Variants in PARVB observed in about 807,000 individuals in gnomAD.
PARVB encodes beta-parvin.
A neutral mutation model predicts 47.0 loss-of-function variants in PARVB; 46 were observed. That is an observed-to-expected ratio of 0.98 (90% CI 0.77 to 1.25). The LOEUF is 1.25. Ranked by LOEUF, PARVB falls within the 50% of genes most tolerant of loss-of-function variation. The pLI is 0.00. For missense variants in PARVB, 473 were observed against 471.6 expected, an observed-to-expected ratio of 1.00 and a Z score of -0.03; for synonymous variants, 196 against 196.3, an observed-to-expected ratio of 1.00 and a Z score of 0.01.
chr22:44,044,610 A>G (rs1272707019), intron 1 of PARVB, among the ~76,000 whole-genome samples: 1 of 152,104 alleles, frequency 6.6e-6, no homozygotes, highest in East Asian at 1.9e-4. Flanking sequence ...CTCAGCCTCT[A>G]GAGTAGCTTG....
At chr22:44,021,706 A>G (rs1310685596), upstream of PARVB, among the ~76,000 whole-genome samples, 1 of 150,166 alleles carries the variant, frequency 6.7e-6, no homozygotes, top group East Asian at 2.0e-4. Context: ...GTGAAGATGA[A>G]TCACCAGGAT....
chr22:44,009,428 T>C (rs1305868311), intron 2 of PARVB: 1 of 152,194 alleles, frequency 6.6e-6, no homozygotes, highest in Non-Finnish European at 1.5e-5. Flanking sequence ...TTGAAATCAG[T>C]TCTATTTGCT....
chr22:44,002,513 C>A (rs1569042977), intron 2 of PARVB, among the ~76,000 whole-genome samples: 1 of 152,058 alleles, frequency 6.6e-6, no homozygotes, highest in Non-Finnish European at 1.5e-5. Context: ...CAGGAGGGGG[C>A]AGTGGGTGTT....
intron 1 of PARVB, among the ~76,000 whole-genome samples, chr22:44,066,590 G>C (rs957452215): frequency 6.6e-6 from 1 of 152,124 alleles, no homozygotes; most frequent in African/African-American, 2.4e-5. Flanking sequence ...CACACAGTAG[G>C]TGCACGGCAC....
chr22:44,014,147 C>G (rs2050553409), intron 2 of PARVB, among the ~76,000 whole-genome samples: 3 of 152,242 alleles, frequency 2.0e-5, no homozygotes, highest in African/African-American at 7.2e-5. Context: ...GGGTACTATA[C>G]ACAGAGGAAC....
intron 3 of PARVB, chr22:44,107,130 A>G (rs888872545): frequency 6.6e-6 from 1 of 152,250 alleles, no homozygotes; most frequent in African/African-American, 2.4e-5. Context: ...CAGATGGGCA[A>G]TGCCAGTTTG....
chr22:44,036,569 A>G (rs551980401), intron 1 of PARVB, among the ~76,000 whole-genome samples: 1 of 152,204 alleles, frequency 6.6e-6, no homozygotes, highest in Non-Finnish European at 1.5e-5. Flanking sequence ...TTTATTGGAA[A>G]AAATCTGCAT....
At chr22:44,149,040 C>G (rs191133492) in intron 9 of PARVB, 25 of 152,310 alleles carry the variant, frequency 1.6e-4, no homozygotes, top group Admixed American at 3.9e-4. Flanking sequence ...ATCCAGCTTC[C>G]CCACTTATCA....
intron 1 of PARVB, among the ~76,000 whole-genome samples, chr22:44,028,180 T>C (rs1287413856): frequency 6.6e-6 from 1 of 152,088 alleles, no homozygotes; most frequent in Non-Finnish European, 1.5e-5. Flanking sequence ...TGGCTCTGGA[T>C]GGATGTAGAG....
chr22:44,107,859 A>C (rs974152205), intron 3 of PARVB: 1 of 151,406 alleles, frequency 6.6e-6, no homozygotes, highest in Non-Finnish European at 1.5e-5. Context: ...TTTCTTATTA[A>C]TTACACTGTC....
chr22:44,077,835 T>C (rs1460484832), intron 1 of PARVB, among the ~76,000 whole-genome samples: 1 of 152,108 alleles, frequency 6.6e-6, no homozygotes, highest in African/African-American at 2.4e-5. Context: ...GTAGCTGGTA[T>C]TACAGGCACC....
At chr22:44,023,910 C>T (rs2050685434), upstream of PARVB, among the ~76,000 whole-genome samples, 1 of 152,248 alleles carries the variant, frequency 6.6e-6, no homozygotes, top group South Asian at 2.1e-4. Context: ...CCCCCTGCCC[C>T]GGGCCTGGCT....
intron 2 of PARVB, among the ~76,000 whole-genome samples, chr22:44,007,371 C>A (rs963571869): frequency 2.0e-5 from 3 of 152,208 alleles, no homozygotes; most frequent in African/African-American, 7.2e-5. Flanking sequence ...TCTGCACTCC[C>A]ACGCTGGAGG....
chr22:44,024,699 G>A (rs1341542025), intron 1 of PARVB, among the ~76,000 whole-genome samples: 5 of 152,090 alleles, frequency 3.3e-5, no homozygotes, highest in African/African-American at 1.2e-4. Context: ...TGCGCGGCGG[G>A]GACCTCGGGC....
rs111232418 is a variant in PARVB, at chr22:44,068,114, G to A, written c.113-25814G>A. ...CCGCTTCCTGCTTCAGCAGAACTGG[G>A]ATTGTCAGTTAATCGAGCAACACCT... On this transcript the variant is annotated intron_variant, in intron 1 of 12. Coordinates refer to ENST00000338758, the MANE Select transcript of PARVB (RefSeq NM_013327.5). The surrounding 1 kb of genome is among the most constrained non-coding windows in gnomAD (Gnocchi z 4.1). Among the ~76,000 whole-genome samples, 4 of 152,170 alleles carry A rather than the reference G, an allele frequency of 2.6e-5. No individual in the cohort carries two copies. The highest frequency in any genetic ancestry group is 9.7e-5 in the African/African-American group (4 of 41,436).
intron 1 of PARVB, among the ~76,000 whole-genome samples, chr22:44,059,931 T>G (rs1426297720): frequency 6.6e-6 from 1 of 152,144 alleles, no homozygotes; most frequent in Non-Finnish European, 1.5e-5. Flanking sequence ...CGATGCTTTC[T>G]CTGCTTGCTA....
At chr22:44,100,550 C>G (rs980292957) in intron 3 of PARVB, among the ~76,000 whole-genome samples, 7 of 152,120 alleles carry the variant, frequency 4.6e-5, no homozygotes, top group Non-Finnish European at 7.3e-5. Context: ...CCATCTGATG[C>G]CGATGCCTGC....
chr22:44,120,232 G>T (rs948636918), intron 4 of PARVB, among the ~76,000 whole-genome samples: 56 of 152,218 alleles, frequency 3.7e-4, no homozygotes, highest in African/African-American at 1.3e-3. Context: ...CAACAGCCCT[G>T]GGGGTCTGGC....
At chr22:44,159,490 G>C (rs958129863) in intron 11 of PARVB, among the ~76,000 whole-genome samples, 1 of 152,182 alleles carries the variant, frequency 6.6e-6, no homozygotes, top group African/African-American at 2.4e-5. Context: ...ATCGGAGCGA[G>C]GAAGGGAAGG....
Sources: gnomAD v4.1 joint callset for allele counts (sites outside exome capture counted in the v4.1 genomes callset) on GRCh38, gnomAD v4.1.1 for gene constraint, Gnocchi (gnomAD v3.1) non-coding constraint, MANE v1.5 for transcripts, NCBI Gene and HGNC (gene_info 2026-07-23, HGNC 2026-07-21) for gene names.